Variants in EYA3 observed in about 807,000 individuals in gnomAD.
EYA3 encodes the protein EYA transcriptional coactivator and phosphatase 3.
EYA3 carries 39 observed loss-of-function variants against 80.0 expected under a neutral mutation model. The observed-to-expected ratio is 0.49, with a 90% CI of 0.38 to 0.64. The LOEUF is 0.64. EYA3 is among the 30% of genes least tolerant of loss of function. EYA3 has a pLI of 0.00. For synonymous variants in EYA3, 206 were observed against 232.8 expected, an observed-to-expected ratio of 0.88 and a Z score of 1.05; for missense variants, 523 against 676.1, an observed-to-expected ratio of 0.77 and a Z score of 2.51.
At chr1:28,043,234 C>A (rs982316164) in intron 3 of EYA3, among the ~76,000 whole-genome samples, 15 of 151,582 alleles carry the variant, frequency 9.9e-5, no homozygotes, top group African/African-American at 3.4e-4. Flanking sequence ...TTTTCTTTAA[C>A]ACCATATGGT....
At chr1:28,011,114 G>A (rs753371934) in intron 9 of EYA3, 28 bp from the exon 10 acceptor site, 1 of 1,605,078 alleles carries the variant, frequency 6.2e-7, no homozygotes, top group Admixed American at 1.7e-5. Flanking sequence ...AACATATGTT[G>A]TCAGGAGTCA....
At chr1:28,073,128 T>TATATATATATATATATA (rs58073802) in intron 1 of EYA3, among the ~76,000 whole-genome samples, 17 of 29,216 alleles carry the variant, frequency 5.8e-4, no homozygotes, top group African/African-American at 1.7e-3. Flanking sequence ...TATATATATA[T>TATATATATATATATATA]TTTTTTTTTT....
rs1180868021 is a variant in EYA3, at chr1:28,073,127, A to ATTTTTTTT, written c.-68-15041_-68-15034dup. On this transcript the variant is annotated intron_variant, in intron 1 of 17. Coordinates refer to ENST00000373871, the MANE Select transcript of EYA3 (RefSeq NM_001990.4). Reference sequence around the variant, plus strand: ...ATTATATATATATATATATATATATATTTTTTTTTTTTTTTTTTTTTTTTA... The same window carrying ATTTTTTTT: ...ATTATATATATATATATATATATATATTTTTTTTTTTTTTTTTTTTTTTTTTTTTTTTA... 1.3e-3 allele frequency among the ~76,000 whole-genome samples: 19 copies of ATTTTTTTT among 14,998 alleles called. 2 individuals are homozygous for ATTTTTTTT. The highest frequency in any genetic ancestry group is 1.4e-3 in the Admixed American group (2 of 1,390). The allele number at this position is 14,998 out of a possible 152,430, so 9.8% of individuals were successfully genotyped here. A position where few individuals can be genotyped will look rare whatever the true frequency, so the allele number is the denominator to read the frequency against.
chr1:28,045,188 T>C (rs971943465), intron 3 of EYA3, among the ~76,000 whole-genome samples: 1 of 152,240 alleles, frequency 6.6e-6, no homozygotes, highest in African/African-American at 2.4e-5. Context: ...ATTTTTGTAA[T>C]AGAACTTAAT....
intron 7 of EYA3, among the ~76,000 whole-genome samples, chr1:28,023,087 G>C (rs1363518789): frequency 1.4e-4 from 2 of 14,336 alleles, no homozygotes; most frequent in African/African-American, 3.2e-4. Context: ...CTGGGTGGGG[G>C]GGGGGGGGAA....
At chr1:27,988,369 A>T in intron 16 of EYA3, 166 bp downstream of exon 16, 1 of 683,720 alleles carries the variant, frequency 1.5e-6, no homozygotes, top group Non-Finnish European at 2.4e-6. Context: ...AAGCTATATA[A>T]CTACTAAGCC....
chr1:27,997,501 G>T, intron 12 of EYA3, 123 bp from the exon 13 acceptor site: 1 of 850,840 alleles, frequency 1.2e-6, no homozygotes, highest in Non-Finnish European at 2.0e-6. Flanking sequence ...AATCTCTTAT[G>T]TGTGGGTGAT....
At chr1:28,050,386 GAGAC>G (rs1322411631) in intron 2 of EYA3, among the ~76,000 whole-genome samples, 1 of 151,696 alleles carries the variant, frequency 6.6e-6, no homozygotes, top group Admixed American at 6.6e-5. Flanking sequence ...ATTTTTAGGA[GAGAC>G]CGGGTTTCAC....
Position 27,993,539 on chromosome 1 carries a change from A to G in EYA3, c.1164T>C (p.Asp388=), listed in dbSNP as rs750486897. 3 of 1,599,312 alleles carry G rather than the reference A, an allele frequency of 1.9e-6. No homozygotes were observed. Among genetic ancestry groups the G allele is most frequent in the Non-Finnish European group, 2.6e-6 (3 of 1,175,858 alleles). ...QDLSNYSFST[D]GFSGSGGSGS... is the part of the protein sequence containing the mutation. ...CACTACCTCCTGAGCCACTGAAACC[A>G]TCTGTTGAGAAACTGTAGTTGCTGC... The change falls in exon 14 of 18, where the codon GAT becomes GAC. Residue 388 remains aspartate (D), a synonymous_variant. Coordinates refer to ENST00000373871, the MANE Select transcript of EYA3 (RefSeq NM_001990.4).
Position 27,973,779 on chromosome 1 carries a change from ATT to A in EYA3, c.*685_*686del, listed in dbSNP as rs1370059923. The A allele has an allele frequency of 2.6e-5, 4 of 152,190 alleles. No individual in the cohort carries two copies. Among genetic ancestry groups the A allele is most frequent in the Admixed American group, 6.5e-5 (1 of 15,268 alleles). The allele number at this position is 152,190 out of a possible 1,614,324, so 9.4% of individuals were successfully genotyped here. On this transcript the variant is annotated 3_prime_UTR_variant, in exon 18 of 18. Transcript: ENST00000373871. ...AGAGGTGCTACTGCCACAGGGAGGTATTTTAGATATTTCAATTACTATTTTCA... is the reference window on the plus strand; with the variant it reads ...AGAGGTGCTACTGCCACAGGGAGGTATTAGATATTTCAATTACTATTTTCA...
chr1:27,980,721 A>G (rs1436312336), intron 16 of EYA3, among the ~76,000 whole-genome samples: 2 of 152,226 alleles, frequency 1.3e-5, no homozygotes, highest in Non-Finnish European at 2.9e-5. Context: ...TTTGGAGAAT[A>G]TTAGTCCCTG....
chr1:28,046,912 A>G (rs1644027837), intron 3 of EYA3, among the ~76,000 whole-genome samples: 1 of 150,242 alleles, frequency 6.7e-6, no homozygotes, highest in African/African-American at 2.5e-5. Flanking sequence ...CAGTGGCGCA[A>G]TCTTGGCTCA....
chr1:27,992,493 G>A (rs1297763333), intron 14 of EYA3, among the ~76,000 whole-genome samples: 8 of 152,308 alleles, frequency 5.3e-5, no homozygotes, highest in Admixed American at 1.3e-4. Flanking sequence ...TGGCTGTGCT[G>A]CCTGGTTGCT....
intron 3 of EYA3, among the ~76,000 whole-genome samples, chr1:28,048,067 G>A (rs920280794): frequency 5.9e-5 from 9 of 152,052 alleles, no homozygotes; most frequent in South Asian, 2.1e-4. Context: ...TATATTGTAC[G>A]TCTGACTGAA....
chr1:28,083,620 C>G (rs1171708254), intron 1 of EYA3, among the ~76,000 whole-genome samples: 1 of 152,052 alleles, frequency 6.6e-6, no homozygotes, highest in African/African-American at 2.4e-5. Context: ...ATAGTAAGTG[C>G]TGTATAAAGT....
chr1:28,068,598 A>C (rs1644915528), intron 1 of EYA3, among the ~76,000 whole-genome samples: 1 of 151,438 alleles, frequency 6.6e-6, no homozygotes, highest in South Asian at 2.1e-4. Context: ...TTGAACAAAG[A>C]GCTACTTCTG....
rs1356406326 is a variant in EYA3 at position 27,970,951 on chromosome 1, T to A, written c.*3515A>T. On this transcript the variant is annotated 3_prime_UTR_variant, in exon 18 of 18. Coordinates refer to ENST00000373871, the MANE Select transcript of EYA3 (RefSeq NM_001990.4). Reference sequence around the variant, plus strand: ...GTAGTAAACATCTAGAAGCTCCACATGCTGCAGCTAGAGTTTGCAAGTCAG... The same window carrying A: ...GTAGTAAACATCTAGAAGCTCCACAAGCTGCAGCTAGAGTTTGCAAGTCAG... 1 of 152,228 alleles carries A rather than the reference T, an allele frequency of 6.6e-6. No homozygotes were observed. Among genetic ancestry groups the A allele is most frequent in the South Asian group, 2.1e-4 (1 of 4,832 alleles). The allele number at this position is 152,228 out of a possible 1,614,324, so 9.4% of individuals were successfully genotyped here.
At chr1:28,028,987 T>C (rs746832128) in intron 6 of EYA3, among the ~76,000 whole-genome samples, 3 of 152,186 alleles carry the variant, frequency 2.0e-5, no homozygotes, top group African/African-American at 4.8e-5. Flanking sequence ...TTTAAAGTGT[T>C]GGGATTACAG....
At position 27,988,650 on chromosome 1, in the gene EYA3, ATTCT is replaced by A; in HGVS notation, c.1421_1424del (p.Lys474IlefsTer3). ...TGGTAGTGATCAGAACATTCACACA[ATTCT>A]TTCTATAAGGGAGTAAAAGGGAAAA... On this transcript the variant is annotated frameshift_variant and splice_region_variant, in exon 16 of 18. Transcript: ENST00000373871. LOFTEE classifies it high-confidence loss of function. 1.2e-6 allele frequency: 2 copies of A among 1,613,802 alleles called. No homozygotes were observed. The highest frequency in any genetic ancestry group is 1.7e-6 in the Non-Finnish European group (2 of 1,179,910).
Sources: allele counts gnomAD v4.1 joint callset (sites outside exome capture counted in the v4.1 genomes callset), GRCh38; gene constraint gnomAD v4.1.1; transcripts MANE v1.5; gene names NCBI Gene and HGNC (gene_info 2026-07-23, HGNC 2026-07-21).